The following MIOS variants were observed in gnomAD, a reference collection of about 807,000 sequenced individuals.
MIOS encodes the protein meiosis regulator for oocyte development.
In MIOS, 52 loss-of-function variants were observed where a neutral mutation model predicts 96.9. The observed-to-expected ratio is 0.54, with a 90% CI of 0.43 to 0.68. MIOS has a LOEUF of 0.68. Among genes scored for constraint, MIOS ranks in the 30% least tolerant of loss-of-function variants. MIOS has a pLI of 0.00. For synonymous variants in MIOS, 397 were observed against 359.5 expected (o/e 1.10, Z -1.18); for missense variants, 1,005 against 1,052.8 (o/e 0.95, Z 0.63).
intron 11 of MIOS, among the ~76,000 whole-genome samples, chr7:7,599,578 T>TA (rs1784311171): frequency 6.6e-6 from 1 of 151,940 alleles, no homozygotes; most frequent in Non-Finnish European, 1.5e-5. Context: ...AGACCAAGTG[T>TA]AAAAAACATG....
At chr7:7,606,885 C>A in intron 12 of MIOS, 111 bp from the exon 13 acceptor site, 1 of 815,036 alleles carries the variant, frequency 1.2e-6, no homozygotes, top group Non-Finnish European at 1.9e-6. Flanking sequence ...CAAAAGTGTG[C>A]GTACAGCCTG....
intron 3 of MIOS, among the ~76,000 whole-genome samples, chr7:7,569,104 G>A (rs1783256761): frequency 6.6e-6 from 1 of 152,192 alleles, no homozygotes; most frequent in African/African-American, 2.4e-5. Flanking sequence ...ATTTTTCAAT[G>A]AGATGGGAAA....
chr7:7,585,613 A>G, intron 6 of MIOS, 23 bp from the exon 7 acceptor site: 1 of 1,559,896 alleles, frequency 6.4e-7, no homozygotes, highest in Non-Finnish European at 8.7e-7. Flanking sequence ...CACTTTGATT[A>G]GCTGGCTGTT....
chr7:7,573,112 C>A lies in MIOS; in HGVS notation c.637C>A (p.Leu213Ile). ...GMHRNLAIFDLRNTSQKMFVN... is the reference protein window; with the variant it reads ...GMHRNLAIFDIRNTSQKMFVN... ...GCATCGTAACCTAGCTATATTTGATCTTCGGAATACAAGCCAAAAGATGTT... is the reference window on the plus strand; with the variant it reads ...GCATCGTAACCTAGCTATATTTGATATTCGGAATACAAGCCAAAAGATGTT... Residue 213 changes from leucine to isoleucine, a missense_variant, in exon 4 of 13, where the codon CTT becomes ATT. This residue lies in a region of MIOS where 865 missense variants were observed against 887.9 expected (regional missense o/e 0.97). Coordinates refer to ENST00000340080, the MANE Select transcript of MIOS (RefSeq NM_019005.4). The surrounding 1 kb of genome is among the most constrained non-coding windows in gnomAD (Gnocchi z 5.0). 1 of 1,614,022 alleles carries A rather than the reference C, an allele frequency of 6.2e-7. No individual in the cohort carries two copies. The highest frequency in any genetic ancestry group is 8.5e-7 in the Non-Finnish European group (1 of 1,179,942).
intron 8 of MIOS, among the ~76,000 whole-genome samples, 178 bp from the exon 9 acceptor site, chr7:7,589,227 G>T (rs1406083642): frequency 6.6e-6 from 1 of 152,070 alleles, no homozygotes; most frequent in South Asian, 2.1e-4. Flanking sequence ...AATGATTATG[G>T]ATATTGCTTT....
At position 7,593,897 on chromosome 7, in the gene MIOS, A is replaced by AAG. The variant is rs1554301458; in HGVS notation, c.2044-1082_2044-1081insGA. On this transcript the variant is annotated intron_variant, in intron 9 of 12. Coordinates refer to ENST00000340080, the MANE Select transcript of MIOS (RefSeq NM_019005.4). ...CTGTCTCCAAAAAAAAAAAAAAAAGAAAAAGAAAAGAAAAAAAGAAAACCT... is the reference window on the plus strand; with the variant it reads ...CTGTCTCCAAAAAAAAAAAAAAAAGAAGAAAAGAAAAGAAAAAAAGAAAACCT... 1.3e-3 allele frequency among the ~76,000 whole-genome samples: 120 copies of AAG among 92,934 alleles called. 3 individuals carry two copies. Among genetic ancestry groups the AAG allele is most frequent in the African/African-American group, 5.3e-3 (117 of 22,230 alleles). 61.0% of individuals were successfully genotyped at this position (92,934 alleles called of 152,430 possible).
At position 7,589,412 on chromosome 7, in the gene MIOS, G is replaced by A. The variant is rs550805305; in HGVS notation, c.1892G>A (p.Arg631Lys). 1 of 1,613,026 alleles carries A rather than the reference G, an allele frequency of 6.2e-7. No individual in the cohort carries two copies. Among genetic ancestry groups the A allele is most frequent in the South Asian group, 1.1e-5 (1 of 90,986 alleles). ...TCACTTTAAATTTTCCAGTTAAATA[G>A]ATACATCGAAAAGTTGACCAATGAA... The part of the protein sequence containing the change: ...CKFLSDTQLN[R>K]YIEKLTNEMK... Residue 631 changes from arginine to lysine, a missense_variant, in exon 9 of 13, where the codon AGA becomes AAA. This residue lies in a region of MIOS where 865 missense variants were observed against 887.9 expected (regional missense o/e 0.97). Coordinates refer to ENST00000340080, the MANE Select transcript of MIOS (RefSeq NM_019005.4).
intron 5 of MIOS, among the ~76,000 whole-genome samples, chr7:7,581,381 G>C (rs1024467020): frequency 3.9e-5 from 6 of 152,136 alleles, no homozygotes; most frequent in African/African-American, 1.4e-4. Context: ...ATTTTTGCTT[G>C]TGTTTGTTTA....
At position 7,566,946 on chromosome 7, in the gene MIOS, A is replaced by G. The variant is rs1479125050; in HGVS notation, c.-347A>G. On this transcript the variant is annotated 5_prime_UTR_variant, in exon 1 of 13. Coordinates refer to ENST00000340080, the MANE Select transcript of MIOS (RefSeq NM_019005.4). ...GCGTGGTGGTGGGGTCGTGGGTCCC[A>G]GCCCAGTGGTCCAGGTCACGGGCCG... The G allele has an allele frequency of 1.3e-5, 2 of 151,596 alleles. No homozygotes were observed. Among genetic ancestry groups the G allele is most frequent in the African/African-American group, 2.4e-5 (1 of 41,360 alleles). The allele number at this position is 151,596 out of a possible 1,614,324, so 9.4% of individuals were successfully genotyped here.
chr7:7,606,907 G>A (rs866110059), intron 12 of MIOS, 89 bp from the exon 13 acceptor site: 95 of 1,040,922 alleles, frequency 9.1e-5, no homozygotes, highest in Middle Eastern at 3.1e-4. Flanking sequence ...GAAATATAGG[G>A]AGACCCTGTC....
Position 7,597,512 on chromosome 7 carries a change from ATATAT to A in MIOS, c.2401+1052_2401+1056del, listed in dbSNP as rs1563041126. On this transcript the variant is annotated intron_variant, in intron 11 of 12. Transcript: ENST00000340080. ...TATATATATATATATATATATATAT[ATATAT>A]GAAGGCAATACGTAATGTTTTAAAT... 7.4e-4 allele frequency among the ~76,000 whole-genome samples: 39 copies of A among 52,906 alleles called. 7 individuals carry two copies. The highest frequency in any genetic ancestry group is 3.5e-3 in the African/African-American group (36 of 10,432). 34.7% of individuals were successfully genotyped at this position (52,906 alleles called of 152,430 possible).
intron 3 of MIOS, among the ~76,000 whole-genome samples, chr7:7,569,394 G>C (rs900776512): frequency 6.6e-6 from 1 of 152,158 alleles, no homozygotes; most frequent in Non-Finnish European, 1.5e-5. Flanking sequence ...CATAGAAGGT[G>C]CCCAATCAAT....
At chr7:7,577,141 G>T (rs1315773089) in intron 5 of MIOS, among the ~76,000 whole-genome samples, 1 of 152,158 alleles carries the variant, frequency 6.6e-6, no homozygotes, top group Non-Finnish European at 1.5e-5. Context: ...ATGGCTTAAA[G>T]GAGACTGAGG....
chr7:7,571,381 T>C (rs1218169225), intron 3 of MIOS, among the ~76,000 whole-genome samples: 1 of 152,210 alleles, frequency 6.6e-6, no homozygotes, highest in East Asian at 1.9e-4. Flanking sequence ...GAGCCTCTAA[T>C]GATCACTTAA....
chr7:7,596,015 G>C (rs1200536878), intron 10 of MIOS, among the ~76,000 whole-genome samples: 1 of 152,092 alleles, frequency 6.6e-6, no homozygotes, highest in Non-Finnish European at 1.5e-5. Flanking sequence ...TCTAAAGTTT[G>C]AGTTCTTCCA....
intron 5 of MIOS, 165 bp from the exon 6 acceptor site, chr7:7,582,953 T>A (rs80183975): frequency 1.2e-6 from 1 of 810,998 alleles, no homozygotes; most frequent in Non-Finnish European, 1.8e-6. Context: ...CTTAAAAACA[T>A]GCAAAATATG....
chr7:7,578,217 T>C (rs1218584083), intron 5 of MIOS, among the ~76,000 whole-genome samples: 3 of 152,112 alleles, frequency 2.0e-5, no homozygotes, highest in Non-Finnish European at 4.4e-5. Context: ...AGTGCTTAGA[T>C]CAACCAGGAT....
Position 7,607,902 on chromosome 7 carries a change from A to G in MIOS, c.*810A>G, listed in dbSNP as rs1371360359. The G allele has an allele frequency of 1.3e-5, 2 of 152,060 alleles. No homozygotes were observed. Among genetic ancestry groups the G allele is most frequent in the Admixed American group, 1.3e-4 (2 of 15,226 alleles). The allele number at this position is 152,060 out of a possible 1,614,324, so 9.4% of individuals were successfully genotyped here. On this transcript the variant is annotated 3_prime_UTR_variant, in exon 13 of 13. Coordinates refer to ENST00000340080, the MANE Select transcript of MIOS (RefSeq NM_019005.4). ...TCTTCAAAGGTTTTTCTCCATATTA[A>G]TTTGTCATCTTATCCTCATCACCTG...
chr7:7,594,325 TA>T (rs1259996148), intron 9 of MIOS, among the ~76,000 whole-genome samples: 1 of 135,726 alleles, frequency 7.4e-6, no homozygotes, highest in East Asian at 2.2e-4. Context: ...TTTTTTTTTT[TA>T]AATGGAGTCT....
Sources: allele counts gnomAD v4.1 joint callset (sites outside exome capture counted in the v4.1 genomes callset), GRCh38; gene constraint gnomAD v4.1.1; regional missense constraint gnomAD v4.1.1; non-coding constraint Gnocchi (gnomAD v3.1); transcripts MANE v1.5; gene names NCBI Gene and HGNC (gene_info 2026-07-23, HGNC 2026-07-21).